Variants in NT5E observed in about 807,000 individuals in gnomAD.
The protein encoded by NT5E is 5'-nucleotidase ecto, also known as 5'-nucleotidase.
NT5E carries 53 observed loss-of-function variants against 55.1 expected under a neutral mutation model. The ratio of observed to expected loss-of-function variants is 0.96; its 90% confidence interval spans 0.77 to 1.21. NT5E has a LOEUF of 1.21. NT5E is among the 50% of genes most tolerant of loss of function. NT5E has a pLI of 0.00. For synonymous variants in NT5E, 270 were observed against 278.4 expected (o/e 0.97, Z 0.30); for missense variants, 683 against 724.3 (o/e 0.94, Z 0.65).
rs147524268 is a variant in NT5E at position 85,484,112 on chromosome 6, G to A, written c.752-1123G>A. The stretch of plus-strand genomic sequence containing the variant: ...AGGGCCTGGCTCATGGCCGATTCTC[G>A]TAACAGGTCCATGTGTGTAATCAAC... On this transcript the variant is annotated intron_variant, in intron 3 of 8. Coordinates refer to ENST00000257770, the MANE Select transcript of NT5E (RefSeq NM_002526.4). 4.0e-3 allele frequency among the ~76,000 whole-genome samples: 613 copies of A among 152,308 alleles called. 4 individuals are homozygous for A. The highest frequency in any genetic ancestry group is 0.014 in the African/African-American group (585 of 41,566).
chr6:85,482,669 T>A (rs532961927), intron 3 of NT5E, among the ~76,000 whole-genome samples: 3 of 152,218 alleles, frequency 2.0e-5, no homozygotes, highest in Non-Finnish European at 4.4e-5. Flanking sequence ...CTCGGCTAGA[T>A]GACTGGAATA....
At chr6:85,451,224 A>AAGAAAGAAAGAAAG (rs1259657718) in intron 1 of NT5E, among the ~76,000 whole-genome samples, 12 of 151,984 alleles carry the variant, frequency 7.9e-5, no homozygotes, top group African/African-American at 2.7e-4. Context: ...AAGAAAAGGA[A>AAGAAAGAAAGAAAG]AGAAAGAAAG....
At chr6:85,492,241 C>T (rs1769801853) in intron 8 of NT5E, 64 bp downstream of exon 8, 1 of 1,502,368 alleles carries the variant, frequency 6.7e-7, no homozygotes, top group Admixed American at 1.7e-5. Context: ...AGGGGAGCTA[C>T]TAGTGGTGCC....
Position 85,494,076 on chromosome 6 carries a change from A to G in NT5E, c.*72A>G. On this transcript the variant is annotated 3_prime_UTR_variant, in exon 9 of 9. Transcript: ENST00000257770. ...GTGAGATTCAAATCTGCCTTTTAGGACCTGGCTTTGTGACAGCAAAAACCA... is the reference window on the plus strand; with the variant it reads ...GTGAGATTCAAATCTGCCTTTTAGGGCCTGGCTTTGTGACAGCAAAAACCA... The G allele has an allele frequency of 3.3e-6, 5 of 1,494,298 alleles. No individual in the cohort carries two copies. Among genetic ancestry groups the G allele is most frequent in the Non-Finnish European group, 4.6e-6 (5 of 1,078,192 alleles). The allele number at this position is 1,494,298 out of a possible 1,614,324, so 92.6% of individuals were successfully genotyped here.
chr6:85,454,643 A>G (rs1768953227), intron 1 of NT5E, among the ~76,000 whole-genome samples: 1 of 152,236 alleles, frequency 6.6e-6, no homozygotes, highest in Admixed American at 6.5e-5. Flanking sequence ...TTCATTGAAC[A>G]GAAATTCTTC....
At chr6:85,476,963 A>T (rs1769450524) in intron 3 of NT5E, among the ~76,000 whole-genome samples, 2 of 152,142 alleles carry the variant, frequency 1.3e-5, no homozygotes, top group Admixed American at 6.5e-5. Context: ...ATGGGGATAT[A>T]AAGTTCTCAC....
rs1221388403 is a variant in NT5E, at chr6:85,490,617, C to T, written c.1320C>T (p.His440=). 5 of 1,614,186 alleles carry T rather than the reference C, an allele frequency of 3.1e-6. No individual in the cohort carries two copies. The highest frequency in any genetic ancestry group is 4.2e-6 in the Non-Finnish European group (5 of 1,180,022). The stretch of plus-strand genomic sequence containing the variant: ...AGAAGGCCTTTGAGCATAGCGTGCA[C>T]CGCTACGGCCAGTCCACTGGAGAGT... ...TLKKAFEHSV[H]RYGQSTGEFL... The change falls in exon 7 of 9, where the codon CAC becomes CAT. Residue 440 remains histidine (H), a synonymous_variant. Transcript: ENST00000257770.
chr6:85,462,648 C>T (rs936773786), intron 1 of NT5E, among the ~76,000 whole-genome samples: 1 of 152,216 alleles, frequency 6.6e-6, no homozygotes, highest in African/African-American at 2.4e-5. Context: ...GGCACCAGTG[C>T]CCAGCAGATG....
At chr6:85,470,695 G>A (rs1769286296) in intron 2 of NT5E, among the ~76,000 whole-genome samples, 1 of 152,192 alleles carries the variant, frequency 6.6e-6, no homozygotes, top group Non-Finnish European at 1.5e-5. Context: ...GCCTGCTGCA[G>A]CCTCCCAAAG....
At chr6:85,487,234 A>G in intron 4 of NT5E, 101 bp from the exon 5 acceptor site, 2 of 1,098,354 alleles carry the variant, frequency 1.8e-6, no homozygotes, top group African/African-American at 1.5e-5. Flanking sequence ...GTAAACAAAT[A>G]TGTTCTCACA....
chr6:85,476,824 GTCAAGCTTCTTC>G (rs1193664216), intron 3 of NT5E, among the ~76,000 whole-genome samples: 1 of 152,100 alleles, frequency 6.6e-6, no homozygotes, highest in African/African-American at 2.4e-5. Context: ...TTTCACCAGT[GTCAAGCTTCTTC>G]TCTTCTCTCC....
At chr6:85,452,888 G>A (rs1383775805) in intron 1 of NT5E, among the ~76,000 whole-genome samples, 2 of 152,178 alleles carry the variant, frequency 1.3e-5, no homozygotes, top group African/African-American at 4.8e-5. Context: ...CAGTTGTGGA[G>A]GGGCATCTCC....
intron 3 of NT5E, among the ~76,000 whole-genome samples, chr6:85,474,895 C>T (rs1769395120): frequency 1.3e-5 from 2 of 152,176 alleles, no homozygotes; most frequent in South Asian, 4.1e-4. Flanking sequence ...GATCACTCCA[C>T]TGAACTCCAG....
chr6:85,461,167 G>A (rs1769091781), intron 1 of NT5E, among the ~76,000 whole-genome samples: 1 of 152,184 alleles, frequency 6.6e-6, no homozygotes, highest in Non-Finnish European at 1.5e-5. Flanking sequence ...TAATTGGAGG[G>A]AGGGAGAAAG....
intron 3 of NT5E, among the ~76,000 whole-genome samples, chr6:85,481,063 ACATGGAAAGCAT>A (rs1284537426): frequency 6.6e-6 from 1 of 152,148 alleles, no homozygotes; most frequent in African/African-American, 2.4e-5. Flanking sequence ...TGATTCCACC[ACATGGAAAGCAT>A]CATAATCATG....
chr6:85,469,013 C>T (rs963677679), intron 2 of NT5E, among the ~76,000 whole-genome samples: 1 of 152,210 alleles, frequency 6.6e-6, no homozygotes, highest in Non-Finnish European at 1.5e-5. Flanking sequence ...ACAGGCCCAG[C>T]GGCCTGGTGT....
chr6:85,452,294 C>T (rs567335147), intron 1 of NT5E, among the ~76,000 whole-genome samples: 1 of 152,192 alleles, frequency 6.6e-6, no homozygotes, highest in East Asian at 1.9e-4. Flanking sequence ...TTGTGTGAAC[C>T]CTTTTTAGTG....
chr6:85,486,982 C>T (rs935172849), intron 4 of NT5E, among the ~76,000 whole-genome samples: 6 of 152,202 alleles, frequency 3.9e-5, no homozygotes, highest in African/African-American at 1.4e-4. Flanking sequence ...ACCACACTGA[C>T]AGCGATAGCC....
At chr6:85,478,281 C>G (rs1237620594) in intron 3 of NT5E, among the ~76,000 whole-genome samples, 2 of 152,144 alleles carry the variant, frequency 1.3e-5, no homozygotes. Context: ...TATCCGAAAC[C>G]AAAATCTAAA....
Sources: allele counts gnomAD v4.1 joint callset (sites outside exome capture counted in the v4.1 genomes callset), GRCh38; gene constraint gnomAD v4.1.1; transcripts MANE v1.5; gene names NCBI Gene and HGNC (gene_info 2026-07-23, HGNC 2026-07-21).